GRIK4: variants seen among roughly 807,000 people sequenced by gnomAD.
The protein encoded by GRIK4 is glutamate receptor ionotropic, kainate 4.
A neutral mutation model predicts 104.9 loss-of-function variants in GRIK4; 40 were observed. The ratio of observed to expected loss-of-function variants is 0.38; its 90% CI spans 0.30 to 0.50. The LOEUF (loss-of-function observed/expected upper bound fraction) is 0.50, where lower values mean the gene tolerates loss of function less well. GRIK4 is among the 20% of genes least tolerant of loss of function. The probability of loss-of-function intolerance (pLI) is 0.93; values close to 1 mark genes in which losing one functional copy is unlikely to be tolerated. For synonymous variants in GRIK4, 485 were observed against 524.9 expected, an observed-to-expected ratio of 0.92 and a Z score of 1.04; for missense variants, 1,047 against 1,308.1, an observed-to-expected ratio of 0.80 and a Z score of 3.08.
intron 3 of GRIK4, among the ~76,000 whole-genome samples, chr11:120,666,517 C>T (rs1035054049): frequency 1.3e-5 from 2 of 152,134 alleles, no homozygotes; most frequent in African/African-American, 4.8e-5. Context: ...GTAAGTGTTG[C>T]TTCTCTATTT....
chr11:120,516,280 C>G (rs1339039016), intron 1 of GRIK4, among the ~76,000 whole-genome samples: 1 of 152,078 alleles, frequency 6.6e-6, no homozygotes, highest in Non-Finnish European at 1.5e-5. Flanking sequence ...GCACCTGCCA[C>G]CAGCATTCAG....
At chr11:120,579,236 T>C (rs954746619) in intron 1 of GRIK4, among the ~76,000 whole-genome samples, 8 of 131,756 alleles carry the variant, frequency 6.1e-5, no homozygotes, top group South Asian at 2.7e-4. Flanking sequence ...CCCCCCCCCC[T>C]TTTTTTGGAT....
At chr11:120,655,237 A>C (rs1386417254) in intron 2 of GRIK4, among the ~76,000 whole-genome samples, 2 of 151,446 alleles carry the variant, frequency 1.3e-5, no homozygotes, top group East Asian at 3.9e-4. Context: ...CCTCGAGGGG[A>C]GCTGATGAGC....
chr11:120,912,832 A>G (rs1319243880), intron 13 of GRIK4, among the ~76,000 whole-genome samples: 1 of 152,194 alleles, frequency 6.6e-6, no homozygotes, highest in Non-Finnish European at 1.5e-5. Context: ...GGCTGGAGCA[A>G]TATTGGAATT....
intron 1 of GRIK4, among the ~76,000 whole-genome samples, chr11:120,520,309 C>T (rs1400847735): frequency 6.6e-6 from 1 of 152,222 alleles, no homozygotes; most frequent in Non-Finnish European, 1.5e-5. Context: ...CATCAGCAGG[C>T]GCGGAGAATG....
intron 3 of GRIK4, among the ~76,000 whole-genome samples, chr11:120,777,596 C>T (rs1191649181): frequency 6.6e-6 from 1 of 152,212 alleles, no homozygotes; most frequent in Non-Finnish European, 1.5e-5. Flanking sequence ...GACAAAGAAG[C>T]CAAGAAATGT....
chr11:120,830,807 G>A (rs1461702420), intron 6 of GRIK4, among the ~76,000 whole-genome samples: 34 of 152,102 alleles, frequency 2.2e-4, no homozygotes. Context: ...AAACGCCTAC[G>A]TGATGTCTTT....
chr11:120,588,916 A>C (rs1948702448), intron 1 of GRIK4, among the ~76,000 whole-genome samples: 2 of 152,158 alleles, frequency 1.3e-5, no homozygotes, highest in South Asian at 4.1e-4. Flanking sequence ...CTAAGAGTGC[A>C]AATGTTGGCT....
intron 8 of GRIK4, among the ~76,000 whole-genome samples, chr11:120,855,642 C>T (rs901500288): frequency 6.6e-6 from 1 of 151,222 alleles, no homozygotes. Context: ...CACTGCGACT[C>T]TGCCTCCTGG....
chr11:120,663,061 C>A (rs762608571), intron 3 of GRIK4, among the ~76,000 whole-genome samples: 3 of 152,128 alleles, frequency 2.0e-5, no homozygotes, highest in Non-Finnish European at 4.4e-5. Flanking sequence ...CATAAATTCC[C>A]CAAACTCTCA....
chr11:120,665,556 G>A (rs1375122160), intron 3 of GRIK4, among the ~76,000 whole-genome samples: 1 of 152,178 alleles, frequency 6.6e-6, no homozygotes, highest in Non-Finnish European at 1.5e-5. Flanking sequence ...ACAGTAGTGG[G>A]CTTAGTAAAT....
At chr11:120,633,196 G>A (rs557265737) in intron 1 of GRIK4, among the ~76,000 whole-genome samples, 4 of 152,096 alleles carry the variant, frequency 2.6e-5, no homozygotes, top group Admixed American at 6.6e-5. Flanking sequence ...CTGGAGCTTC[G>A]TTTAAGATGA....
intron 8 of GRIK4, among the ~76,000 whole-genome samples, chr11:120,860,524 T>C (rs1954233927): frequency 6.6e-6 from 1 of 152,148 alleles, no homozygotes; most frequent in Non-Finnish European, 1.5e-5. Context: ...TTAGATGGGA[T>C]TTCCCTGACT....
chr11:120,745,307 T>G (rs1951419807), intron 3 of GRIK4, among the ~76,000 whole-genome samples: 1 of 152,262 alleles, frequency 6.6e-6, no homozygotes. Flanking sequence ...CTGGCTTTTT[T>G]CTATTTATAC....
At chr11:120,722,530 C>A (rs951955024) in intron 3 of GRIK4, among the ~76,000 whole-genome samples, 5 of 152,042 alleles carry the variant, frequency 3.3e-5, no homozygotes, top group Admixed American at 6.5e-5. Context: ...ATCACTTGAA[C>A]CCAGGAAGCG....
At chr11:120,805,344 G>A (rs969220617) in intron 4 of GRIK4, among the ~76,000 whole-genome samples, 1 of 152,134 alleles carries the variant, frequency 6.6e-6, no homozygotes, top group Admixed American at 6.5e-5. Flanking sequence ...AAATGAGGGA[G>A]CCAAGATTTG....
At chr11:120,963,967 T>TTTTA (rs201650109) in intron 18 of GRIK4, among the ~76,000 whole-genome samples, 22 of 80,712 alleles carry the variant, frequency 2.7e-4, no homozygotes, top group Middle Eastern at 6.4e-3. Flanking sequence ...TTTCCTATGT[T>TTTTA]TTTATTTATT....
At chr11:120,788,856 C>A (rs949735698) in intron 3 of GRIK4, among the ~76,000 whole-genome samples, 1 of 151,908 alleles carries the variant, frequency 6.6e-6, no homozygotes, top group African/African-American at 2.4e-5. Context: ...ATTCACTTCT[C>A]GGCCGCTCCT....
In GRIK4 at chr11:120,982,230, C is replaced by G. The variant is rs1305928574; in HGVS notation, c.2514+6C>G. On this transcript the variant is annotated splice_donor_region_variant and intron_variant, in intron 20 of 20. Transcript: ENST00000527524. ...GACACTCAGAAGCAACTGAGGTAAA[C>G]TTTCAAAGGGGTATGATCGATCGTG... The G allele has an allele frequency of 2.8e-6, 4 of 1,437,798 alleles. No individual in the cohort carries two copies. The highest frequency in any genetic ancestry group is 1.1e-5 in the South Asian group (1 of 87,558). 89.1% of individuals were successfully genotyped at this position (1,437,798 alleles called of 1,614,324 possible).
Sources: gnomAD v4.1 joint callset for allele counts (sites outside exome capture counted in the v4.1 genomes callset) on GRCh38, gnomAD v4.1.1 for gene constraint, MANE v1.5 for transcripts, NCBI Gene and HGNC (gene_info 2026-07-23, HGNC 2026-07-21) for gene names.